PRPF18: variants seen among roughly 807,000 people sequenced by gnomAD.
PRPF18 encodes the protein pre-mRNA-splicing factor 18.
PRPF18 carries 38 observed loss-of-function variants against 46.5 expected under a neutral mutation model. The observed-to-expected ratio is 0.82, with a 90% CI of 0.63 to 1.07. PRPF18 has a LOEUF of 1.07. Among genes scored for constraint, PRPF18 ranks in the 50% least tolerant of loss-of-function variants. The pLI is 0.00. For synonymous variants in PRPF18, 152 were observed against 146.7 expected (o/e 1.04, Z -0.26); for missense variants, 263 against 410.0 (o/e 0.64, Z 3.10).
intron 2 of PRPF18, among the ~76,000 whole-genome samples, chr10:13,600,041 C>T (rs1315090814): frequency 6.6e-6 from 1 of 152,194 alleles, no homozygotes; most frequent in Non-Finnish European, 1.5e-5. Flanking sequence ...TGTGCATGCT[C>T]TGGACTTGTG....
intron 1 of PRPF18, among the ~76,000 whole-genome samples, chr10:13,591,293 T>C (rs2079957469): frequency 1.3e-5 from 2 of 152,260 alleles, no homozygotes. Flanking sequence ...CTTACAGACT[T>C]TTTCACTGCC....
At chr10:13,604,156 G>A (rs1317086409) in intron 3 of PRPF18, among the ~76,000 whole-genome samples, 1 of 152,172 alleles carries the variant, frequency 6.6e-6, no homozygotes, top group African/African-American at 2.4e-5. Flanking sequence ...GCATTGATTG[G>A]AGATAGCACT....
downstream of PRPF18, chr10:13,631,014 C>CT (rs2080584638): frequency 6.6e-6 from 1 of 152,164 alleles, no homozygotes; most frequent in South Asian, 2.1e-4. Context: ...TCATAGCAAA[C>CT]TAAGTTCAAA....
At chr10:13,652,303 G>A in the PRPF18 span, 1 of 366,544 alleles carries the variant, frequency 2.7e-6, no homozygotes, top group Non-Finnish European at 5.1e-6. Context: ...GGTGAAATAG[G>A]CAGGTTTCAA....
intron 4 of PRPF18, among the ~76,000 whole-genome samples, chr10:13,607,610 C>T (rs2080209668): frequency 6.6e-6 from 1 of 152,166 alleles, no homozygotes; most frequent in Non-Finnish European, 1.5e-5. Context: ...GAGGCCTCCT[C>T]ATGTTGCCCA....
At chr10:13,635,018 A>G (rs1276475023), downstream of PRPF18, among the ~76,000 whole-genome samples, 1 of 152,162 alleles carries the variant, frequency 6.6e-6, no homozygotes, top group Non-Finnish European at 1.5e-5. Context: ...GGCATCCACT[A>G]GCTATTCTTC....
At chr10:13,616,292 G>A in intron 8 of PRPF18, 106 bp from the exon 9 acceptor site, 1 of 1,221,838 alleles carries the variant, frequency 8.2e-7, no homozygotes, top group Non-Finnish European at 1.1e-6. Context: ...GTGCCCAAAA[G>A]GTGGACGAAA....
chr10:13,630,057 T>C (rs976809866), intron 9 of PRPF18, among the ~76,000 whole-genome samples: 2 of 152,242 alleles, frequency 1.3e-5, no homozygotes, highest in African/African-American at 2.4e-5. Flanking sequence ...GGTTTTGTTA[T>C]TGTGAACAGT....
Position 13,616,521 on chromosome 10 carries a change from T to C in PRPF18, c.916T>C (p.Leu306=). Residue 306 remains leucine (L), a synonymous_variant, in exon 9 of 10, where the codon TTA becomes CTA. Coordinates refer to ENST00000378572, the MANE Select transcript of PRPF18 (RefSeq NM_003675.4). ...TTTTTCCAAGCATGTTGCACATGTT[T>C]TAAATGACGAAACTCAGCGGAAATA... The part of the protein sequence containing the change: ...KIFSKHVAHV[L]NDETQRKYIQ... 1 of 1,614,146 alleles carries C rather than the reference T, an allele frequency of 6.2e-7. No homozygotes were observed.
chr10:13,655,136 G>C, the PRPF18 span: 8 of 152,282 alleles, frequency 5.3e-5, no homozygotes, highest in African/African-American at 1.7e-4. Context: ...AGTCCAGCTG[G>C]AAAGATTTAG....
chr10:13,644,835 T>C, the PRPF18 span: 1 of 152,118 alleles, frequency 6.6e-6, no homozygotes, highest in Non-Finnish European at 1.5e-5. Context: ...GCTCTAACCA[T>C]GAAAGTAAAA....
At chr10:13,607,780 A>G (rs2080211995) in intron 4 of PRPF18, among the ~76,000 whole-genome samples, 1 of 152,190 alleles carries the variant, frequency 6.6e-6, no homozygotes, top group Admixed American at 6.5e-5. Context: ...GCCTATCCCA[A>G]GATTTCAAAT....
In PRPF18 at chr10:13,630,400, T is replaced by C. The variant is rs1172432453; in HGVS notation, c.*60T>C. On this transcript the variant is annotated 3_prime_UTR_variant, in exon 10 of 10. Coordinates refer to ENST00000378572, the MANE Select transcript of PRPF18 (RefSeq NM_003675.4). The stretch of plus-strand genomic sequence containing the variant: ...CTTAGGGAAGCAGGCTGTGGACTTC[T>C]GGAATTACCAACAGGAATGAGGAAA... The C allele has an allele frequency of 7.4e-7, 1 of 1,350,386 alleles. No homozygotes were observed. The highest frequency in any genetic ancestry group is 1.0e-6 in the Non-Finnish European group (1 of 955,518). 83.7% of individuals were successfully genotyped at this position (1,350,386 alleles called of 1,614,324 possible).
chr10:13,647,593 G>A, the PRPF18 span: 7 of 152,026 alleles, frequency 4.6e-5, no homozygotes, highest in African/African-American at 7.2e-5. Context: ...GTGAAACTGC[G>A]GTGGTATTTT....
At chr10:13,593,827 T>C (rs928164424) in intron 1 of PRPF18, among the ~76,000 whole-genome samples, 11 of 152,048 alleles carry the variant, frequency 7.2e-5, no homozygotes, top group Admixed American at 5.9e-4. Flanking sequence ...AATGAGATGG[T>C]TTAGTCATCT....
intron 3 of PRPF18, among the ~76,000 whole-genome samples, chr10:13,601,229 T>C (rs930455622): frequency 6.6e-5 from 10 of 152,320 alleles, no homozygotes; most frequent in Non-Finnish European, 1.0e-4. Flanking sequence ...AAGCATGATT[T>C]TTAGGGCAAA....
downstream of PRPF18, among the ~76,000 whole-genome samples, chr10:13,633,308 A>G (rs932675665): frequency 6.6e-6 from 1 of 152,200 alleles, no homozygotes; most frequent in Non-Finnish European, 1.5e-5. Context: ...ACTAGGAAAC[A>G]GGCTTGATAG....
chr10:13,643,142 G>C, the PRPF18 span: 1 of 152,256 alleles, frequency 6.6e-6, no homozygotes, highest in Admixed American at 6.5e-5. Flanking sequence ...GTGATTTAGA[G>C]AGTCAGTGGC....
At chr10:13,590,451 AAATAT>A (rs1261082358) in intron 1 of PRPF18, among the ~76,000 whole-genome samples, 29 of 136,874 alleles carry the variant, frequency 2.1e-4, no homozygotes, top group African/African-American at 6.5e-4. Flanking sequence ...CAAAAAAAAA[AAATAT>A]ATATATATAT....
Sources: allele counts gnomAD v4.1 joint callset (sites outside exome capture counted in the v4.1 genomes callset), GRCh38; gene constraint gnomAD v4.1.1; transcripts MANE v1.5; gene names NCBI Gene and HGNC (gene_info 2026-07-23, HGNC 2026-07-21).